Variants in DPP6 observed in about 807,000 individuals in gnomAD.
DPP6 encodes the protein dipeptidyl peptidase like 6, also known as A-type potassium channel modulatory protein DPP6.
Under a neutral mutation model 122.6 loss-of-function variants are expected in DPP6, and 69 were observed. The observed-to-expected ratio is 0.56, with a 90% confidence interval of 0.46 to 0.69. DPP6 has a LOEUF of 0.69. Among genes scored for constraint, DPP6 ranks in the 30% least tolerant of loss-of-function variants. DPP6 has a pLI of 0.00. For missense variants in DPP6, 928 were observed against 1,116.9 expected (o/e 0.83, Z 2.41); for synonymous variants, 418 against 433.1 (o/e 0.97, Z 0.43).
intron 7 of DPP6, among the ~76,000 whole-genome samples, chr7:154,700,829 T>C (rs55640648): frequency 6.6e-6 from 1 of 151,758 alleles, no homozygotes; most frequent in Admixed American, 6.6e-5. Flanking sequence ...AAAATGTGCA[T>C]CTACTTCCCC....
intron 3 of DPP6, among the ~76,000 whole-genome samples, chr7:154,477,545 A>G (rs1343954944): frequency 1.3e-5 from 2 of 150,232 alleles, no homozygotes; most frequent in African/African-American, 4.9e-5. Context: ...AAAAAAAAGT[A>G]TATGTAGAGA....
intron 1 of DPP6, among the ~76,000 whole-genome samples, chr7:154,372,526 C>A (rs6946218): frequency 6.6e-6 from 1 of 152,130 alleles, no homozygotes; most frequent in African/African-American, 2.4e-5. Flanking sequence ...ACAGCATCAC[C>A]CTTGTGCCTT....
intron 1 of DPP6, among the ~76,000 whole-genome samples, chr7:154,248,087 C>T (rs1276059007): frequency 2.6e-5 from 4 of 152,076 alleles, no homozygotes; most frequent in Non-Finnish European, 5.9e-5. Context: ...ACGGTGTTCT[C>T]ACATGGCAGA....
intron 7 of DPP6, among the ~76,000 whole-genome samples, chr7:154,718,337 C>T (rs1253046645): frequency 3.9e-5 from 6 of 152,122 alleles, no homozygotes; most frequent in African/African-American, 9.7e-5. Flanking sequence ...ACTAATGACA[C>T]GAAGTATTTC....
chr7:154,607,703 A>G lies in DPP6; in HGVS notation c.628-30118A>G, dbSNP rs1424984907. Among the ~76,000 whole-genome samples the G allele has an allele frequency of 1.7e-5, 2 of 118,224 alleles. 1 individual carries two copies. The highest frequency in any genetic ancestry group is 3.8e-5 in the Non-Finnish European group (2 of 52,990). The allele number at this position is 118,224 out of a possible 152,430, so 77.6% of individuals were successfully genotyped here. Reference sequence around the variant, plus strand: ...ACATGAACTTATTATAGTCCTGTAAATGTATTTTCTTTTCCTTATGATGTT... The same window carrying G: ...ACATGAACTTATTATAGTCCTGTAAGTGTATTTTCTTTTCCTTATGATGTT... On this transcript the variant is annotated intron_variant, in intron 5 of 25. Coordinates refer to ENST00000377770, the MANE Select transcript of DPP6 (RefSeq NM_130797.4).
intron 1 of DPP6, among the ~76,000 whole-genome samples, chr7:154,274,365 T>G (rs1803990393): frequency 6.6e-6 from 1 of 152,162 alleles, no homozygotes; most frequent in Non-Finnish European, 1.5e-5. Flanking sequence ...CAAATGCAAA[T>G]ACAACCCCCA....
chr7:153,772,981 AT>A, the DPP6 span, among the ~76,000 whole-genome samples: 2 of 134,038 alleles, frequency 1.5e-5, no homozygotes, highest in Non-Finnish European at 3.3e-5. Flanking sequence ...AGACTTATAT[AT>A]TATATAATAA....
intron 1 of DPP6, among the ~76,000 whole-genome samples, chr7:154,438,418 C>T (rs1423682019): frequency 7.6e-5 from 9 of 119,156 alleles, no homozygotes; most frequent in Admixed American, 3.7e-4. Flanking sequence ...TGCAGTGAGT[C>T]GAGATAGCAC....
At chr7:154,749,521 G>C (rs1253944322) in intron 8 of DPP6, among the ~76,000 whole-genome samples, 441 of 58,804 alleles carry the variant, frequency 7.5e-3, no homozygotes, top group African/African-American at 0.011. Context: ...GAGAGAGGGT[G>C]AGAGAGCATA....
chr7:153,863,338 T>C, the DPP6 span, among the ~76,000 whole-genome samples: 13 of 152,218 alleles, frequency 8.5e-5, no homozygotes, highest in South Asian at 6.2e-4. Flanking sequence ...CTATCATTGA[T>C]GGGCATTGGG....
chr7:154,242,152 G>T (rs528510287), intron 1 of DPP6, among the ~76,000 whole-genome samples: 1 of 152,128 alleles, frequency 6.6e-6, no homozygotes, highest in Admixed American at 6.5e-5. Flanking sequence ...GCATACCCCC[G>T]ACTGGCACCT....
intron 21 of DPP6, among the ~76,000 whole-genome samples, chr7:154,882,730 G>A (rs771009885): frequency 2.6e-5 from 4 of 151,970 alleles, no homozygotes; most frequent in African/African-American, 4.8e-5. Flanking sequence ...AGCAGGCCGC[G>A]TGGCCCTGCA....
chr7:154,073,521 G>A (rs1293898399), intron 1 of DPP6, among the ~76,000 whole-genome samples: 1 of 152,222 alleles, frequency 6.6e-6, no homozygotes, highest in African/African-American at 2.4e-5. Flanking sequence ...GTGCCCACCA[G>A]CCCAGAAGAC....
At chr7:154,646,351 C>T (rs1836480464) in intron 6 of DPP6, among the ~76,000 whole-genome samples, 1 of 152,150 alleles carries the variant, frequency 6.6e-6, no homozygotes, top group Admixed American at 6.5e-5. Context: ...TCATTGCTCC[C>T]AAACCCGGAA....
intron 1 of DPP6, chr7:154,055,470 A>AAGAAG (rs1489170484): frequency 3.5e-4 from 53 of 150,596 alleles, no homozygotes; most frequent in Non-Finnish European, 4.7e-4. Flanking sequence ...AAACAAAAAA[A>AAGAAG]GAGATTAGGT....
intron 1 of DPP6, among the ~76,000 whole-genome samples, chr7:154,075,517 CAG>C (rs1803490951): frequency 1.3e-5 from 2 of 151,992 alleles, no homozygotes; most frequent in Non-Finnish European, 2.9e-5. Context: ...GCAACCTGGA[CAG>C]AGTTGGAGAC....
intron 1 of DPP6, among the ~76,000 whole-genome samples, chr7:154,312,554 A>G (rs986433137): frequency 6.6e-6 from 1 of 152,168 alleles, no homozygotes; most frequent in African/African-American, 2.4e-5. Context: ...CGTCACCTCG[A>G]GCTGCTAAGT....
rs775075561 is a variant in DPP6 at position 154,755,161 on chromosome 7, A to AAAG, written c.884-14254_884-14253insGAA. Reference sequence around the variant, plus strand: ...AGTAAAATAAATTAAAAAAAAAAAAAAAAGAAACTGAACACATGTCAGGAG... The same window carrying AAAG: ...AGTAAAATAAATTAAAAAAAAAAAAAAAGAAAGAAACTGAACACATGTCAGGAG... On this transcript the variant is annotated intron_variant, in intron 8 of 25. Coordinates refer to ENST00000377770, the MANE Select transcript of DPP6 (RefSeq NM_130797.4). The surrounding 1 kb of genome is among the most constrained non-coding windows in gnomAD (Gnocchi z 4.7). 1.3e-4 allele frequency among the ~76,000 whole-genome samples: 19 copies of AAAG among 151,866 alleles called. No individual in the cohort carries two copies. The highest frequency in any genetic ancestry group is 6.8e-3 in the Middle Eastern group (2 of 292).
Position 154,052,714 on chromosome 7 carries a change from C to T in DPP6, c.-107C>T, listed in dbSNP as rs1585234857. 1 of 1,226,412 alleles carries T rather than the reference C, an allele frequency of 8.2e-7. No individual in the cohort carries two copies. The highest frequency in any genetic ancestry group is 1.0e-6 in the Non-Finnish European group (1 of 966,188). The allele number at this position is 1,226,412 out of a possible 1,614,324, so 76.0% of individuals were successfully genotyped here. On this transcript the variant is annotated 5_prime_UTR_variant, in exon 1 of 26. Transcript: ENST00000377770. The surrounding 1 kb of genome is among the most constrained non-coding windows in gnomAD (Gnocchi z 4.8). ...GCTGCTGCTGCTGCTGCTGCCTCCC[C>T]ACCGCCTTTTTTTTTTTTTAATCTG...
Sources: allele counts gnomAD v4.1 joint callset (sites outside exome capture counted in the v4.1 genomes callset), GRCh38; gene constraint gnomAD v4.1.1; non-coding constraint Gnocchi (gnomAD v3.1); transcripts MANE v1.5; gene names NCBI Gene and HGNC (gene_info 2026-07-23, HGNC 2026-07-21).